Variants in SPEN observed in about 807,000 individuals in gnomAD.
The protein encoded by SPEN is spen family transcriptional repressor, also known as msx2-interacting protein.
A neutral mutation model predicts 269.9 loss-of-function variants in SPEN; 18 were observed. The observed-to-expected ratio is 0.07, with a 90% CI of 0.05 to 0.10. The LOEUF is 0.10. Among genes scored for constraint, SPEN ranks in the 10% least tolerant of loss-of-function variants. The pLI, the probability that SPEN is intolerant of heterozygous loss-of-function variation, is 1.00. For missense variants in SPEN, 3,822 were observed against 4,631.2 expected (o/e 0.83, Z 5.07); for synonymous variants, 1,726 against 1,765.7 (o/e 0.98, Z 0.56).
At chr1:15,897,654 G>T (rs1282501043) in intron 3 of SPEN, among the ~76,000 whole-genome samples, 1 of 151,242 alleles carries the variant, frequency 6.6e-6, no homozygotes, top group African/African-American at 2.4e-5. Flanking sequence ...GGGCCACCAC[G>T]CCTGGCCTAA....
intron 1 of SPEN, among the ~76,000 whole-genome samples, chr1:15,866,416 C>T (rs991371705): frequency 5.3e-5 from 8 of 152,070 alleles, no homozygotes; most frequent in African/African-American, 9.7e-5. Flanking sequence ...TGCAGTGGTG[C>T]GATCTTGGCT....
Position 15,930,146 on chromosome 1 carries a change from C to A in SPEN, c.3906C>A (p.Val1302=). Residue 1302 remains valine, a synonymous_variant, in exon 11 of 15, where the codon GTC becomes GTA. Coordinates refer to ENST00000375759, the MANE Select transcript of SPEN (RefSeq NM_015001.3). This position sits in a 1 kb window ranked among gnomAD's most constrained non-coding sequence, Gnocchi z 5.3. The part of the protein sequence containing the change: ...EKVLPYSNIT[V]REESLKFNPY... Reference sequence around the variant, plus strand: ...TCCTCCCCTATTCTAACATAACAGTCAGGGAAGAGTCTTTAAAATTTAATC... The same window carrying A: ...TCCTCCCCTATTCTAACATAACAGTAAGGGAAGAGTCTTTAAAATTTAATC... 6.2e-7 allele frequency: 1 copy of A among 1,614,180 alleles called. No individual in the cohort carries two copies. The highest frequency in any genetic ancestry group is 1.1e-5 in the South Asian group (1 of 91,066).
Position 15,936,111 on chromosome 1 carries a change from C to A in SPEN, c.9871C>A (p.His3291Asn). The A allele has an allele frequency of 6.2e-7, 1 of 1,611,376 alleles. No individual in the cohort carries two copies. The part of the protein sequence containing the change: ...LPLTPPVVVT[H>N]GVQIVHSSGE... ...TCTGACCCCTCCTGTGGTGGTGACCCATGGGGTGCAGATTGTGCACTCCAG... is the reference window on the plus strand; with the variant it reads ...TCTGACCCCTCCTGTGGTGGTGACCAATGGGGTGCAGATTGTGCACTCCAG... Residue 3291 changes from histidine (H) to asparagine (N), a missense_variant, in exon 11 of 15, where the codon CAT becomes AAT. Coordinates refer to ENST00000375759, the MANE Select transcript of SPEN (RefSeq NM_015001.3).
intron 3 of SPEN, among the ~76,000 whole-genome samples, chr1:15,902,277 A>G (rs1040315603): frequency 6.6e-6 from 1 of 152,106 alleles, no homozygotes; most frequent in African/African-American, 2.4e-5. Flanking sequence ...GATTCTCATA[A>G]CCAATTCTGT....
Position 15,855,990 on chromosome 1 carries a change from C to CCTTTTTTTTTTTTTTTTTTTTTTTTTTTT in SPEN, c.83+7840_83+7841insCTTTTTTTTTTTTTTTTTTTTTTTTTTTT, listed in dbSNP as rs370972899. Among the ~76,000 whole-genome samples the CCTTTTTTTTTTTTTTTTTTTTTTTTTTTT allele has an allele frequency of 7.1e-5, 2 of 28,220 alleles. 1 individual carries two copies. 18.5% of individuals were successfully genotyped at this position (28,220 alleles called of 152,430 possible). A position where few individuals can be genotyped will look rare whatever the true frequency, so the allele number is the denominator to read the frequency against. On this transcript the variant is annotated intron_variant, in intron 1 of 14. Coordinates refer to ENST00000375759, the MANE Select transcript of SPEN (RefSeq NM_015001.3). Reference sequence around the variant, plus strand: ...TTATTGTGTGAAAAGGATGCTAGAACTTTTTTTTTTTTTTTTTTTTGAGAC... The same window carrying CCTTTTTTTTTTTTTTTTTTTTTTTTTTTT: ...TTATTGTGTGAAAAGGATGCTAGAACCTTTTTTTTTTTTTTTTTTTTTTTTTTTTTTTTTTTTTTTTTTTTTTTTGAGAC...
At chr1:15,876,776 T>C in intron 3 of SPEN, 98 bp downstream of exon 3, 1 of 924,456 alleles carries the variant, frequency 1.1e-6, no homozygotes, top group Non-Finnish European at 1.7e-6. Flanking sequence ...TTTTTTAAAG[T>C]AATCTTGGAT....
chr1:15,865,785 G>A (rs79726518), intron 1 of SPEN, among the ~76,000 whole-genome samples: 5,820 of 151,856 alleles, frequency 0.038, 155 homozygotes, highest in South Asian at 0.074. Flanking sequence ...ACTCTGTATA[G>A]TTAGGAAATC....
chr1:15,915,824 C>CCA (rs2071062152), intron 5 of SPEN, among the ~76,000 whole-genome samples: 1 of 152,096 alleles, frequency 6.6e-6, no homozygotes, highest in South Asian at 2.1e-4. Context: ...CAGGCATGAG[C>CCA]CACCCTTCCC....
chr1:15,865,458 C>T, intron 1 of SPEN, among the ~76,000 whole-genome samples: 2 of 134,886 alleles, frequency 1.5e-5, no homozygotes, highest in Non-Finnish European at 3.1e-5. Flanking sequence ...GTGTCTCACT[C>T]TGTTGCCAGG....
intron 1 of SPEN, among the ~76,000 whole-genome samples, chr1:15,849,211 T>C (rs1042180431): frequency 3.9e-5 from 6 of 152,274 alleles, no homozygotes; most frequent in African/African-American, 1.4e-4. Context: ...AAAATGACAG[T>C]TTATTCCGAT....
At chr1:15,859,682 T>A (rs920749239) in intron 1 of SPEN, among the ~76,000 whole-genome samples, 1 of 151,960 alleles carries the variant, frequency 6.6e-6, no homozygotes, top group East Asian at 1.9e-4. Context: ...AAAGGAACTT[T>A]CATCACAGCT....
At chr1:15,873,382 G>A (rs983796683) in intron 2 of SPEN, 3 of 1,204,694 alleles carry the variant, frequency 2.5e-6, no homozygotes, top group Non-Finnish European at 3.1e-6. Flanking sequence ...TCCTATGGAA[G>A]CTTCATTTTT....
rs1490826788 is a variant in SPEN, at chr1:15,937,395, A to G, written c.10259A>G (p.Gln3420Arg). Residue 3420 changes from glutamine to arginine, a missense_variant, in exon 12 of 15, where the codon CAG (glutamine) becomes CGG (arginine). Gln to Arg is a conservative substitution (Grantham distance 43, BLOSUM62 1). Around this residue, in one of 16 missense-constraint regions of SPEN, gnomAD observed 359 missense variants for 377.3 expected, o/e 0.95. Coordinates refer to ENST00000375759, the MANE Select transcript of SPEN (RefSeq NM_015001.3). This position sits in a 1 kb window ranked among gnomAD's most constrained non-coding sequence, Gnocchi z 5.7. ...CCACCTGAGCCTCACACCCAGGTTC[A>G]GAGGGCACAAGCAGAAACAGGCCCG... is the stretch of plus-strand genomic sequence containing the variant. ...NRPPEPHTQV[Q>R]RAQAETGPTS... The G allele has an allele frequency of 1.2e-6, 2 of 1,613,796 alleles. No individual in the cohort carries two copies. Among genetic ancestry groups the G allele is most frequent in the Non-Finnish European group, 1.7e-6 (2 of 1,180,036 alleles).
chr1:15,859,041 T>C (rs2070414908), intron 1 of SPEN, among the ~76,000 whole-genome samples: 1 of 152,222 alleles, frequency 6.6e-6, no homozygotes, highest in Admixed American at 6.5e-5. Context: ...ATCCTTCTGC[T>C]AACCAGCTAT....
Position 15,931,502 on chromosome 1 carries a change from C to G in SPEN, c.5262C>G (p.Asp1754Glu). ...QAESNVDPEP[D>E]STQPLSKPAQ... ...AGAGCAACGTAGATCCAGAGCCTGA[C>G]AGTACCCAGCCACTTTCAAAACCAG... The change falls in exon 11 of 15, where the codon GAC becomes GAG. Residue 1754 changes from aspartate (D) to glutamate (E), a missense_variant. Around this residue, in one of 16 missense-constraint regions of SPEN, gnomAD observed 533 missense variants for 618.8 expected, o/e 0.86. Coordinates refer to ENST00000375759, the MANE Select transcript of SPEN (RefSeq NM_015001.3). The surrounding 1 kb of genome is among the most constrained non-coding windows in gnomAD (Gnocchi z 4.8). 6.2e-7 allele frequency: 1 copy of G among 1,614,186 alleles called. No individual in the cohort carries two copies. The highest frequency in any genetic ancestry group is 1.1e-5 in the South Asian group (1 of 91,082).
chr1:15,932,382 G>A lies in SPEN; in HGVS notation c.6142G>A (p.Ala2048Thr). ...GSEQKRDRKD[A>T]GTDKNPPETA... Reference sequence around the variant, plus strand: ...TGAACAGAAACGTGACAGAAAAGATGCTGGCACAGACAAAAACCCCCCTGA... The same window carrying A: ...TGAACAGAAACGTGACAGAAAAGATACTGGCACAGACAAAAACCCCCCTGA... The change falls in exon 11 of 15, where the codon GCT (alanine) becomes ACT (threonine). Residue 2048 changes from alanine (A) to threonine (T), a missense_variant. By Grantham distance (58) the Ala-to-Thr change is moderately conservative. Coordinates refer to ENST00000375759, the MANE Select transcript of SPEN (RefSeq NM_015001.3). The surrounding 1 kb of genome is among the most constrained non-coding windows in gnomAD (Gnocchi z 4.2). 1 of 1,614,134 alleles carries A rather than the reference G, an allele frequency of 6.2e-7. No homozygotes were observed. Among genetic ancestry groups the A allele is most frequent in the East Asian group, 2.2e-5 (1 of 44,874 alleles).
rs947921997 is a variant in SPEN, at chr1:15,868,083, C to T, written c.84-4733C>T. ...TCCCAGGCTAAAATGATCCACCTCCCTTGGTCTCCCAAAGCGTTGGGATTC... is the reference window on the plus strand; with the variant it reads ...TCCCAGGCTAAAATGATCCACCTCCTTTGGTCTCCCAAAGCGTTGGGATTC... On this transcript the variant is annotated intron_variant, in intron 1 of 14. Coordinates refer to ENST00000375759, the MANE Select transcript of SPEN (RefSeq NM_015001.3). Among the ~76,000 whole-genome samples the T allele has an allele frequency of 3.3e-5, 5 of 152,020 alleles. No homozygotes were observed. The South Asian group carries it at 1.0e-3, about 32-fold the overall frequency.
chr1:15,868,655 C>T (rs1025944070), intron 1 of SPEN, among the ~76,000 whole-genome samples: 2 of 152,050 alleles, frequency 1.3e-5, no homozygotes, highest in South Asian at 2.1e-4. Flanking sequence ...AGGATGGTCT[C>T]GATCTCCTGA....
intron 1 of SPEN, among the ~76,000 whole-genome samples, chr1:15,872,388 C>A (rs1360875711): frequency 6.6e-6 from 1 of 151,824 alleles, no homozygotes; most frequent in African/African-American, 2.4e-5. Context: ...GTCAGGAGAT[C>A]GAGACCATCC....
Sources: gnomAD v4.1 joint callset for allele counts (sites outside exome capture counted in the v4.1 genomes callset) on GRCh38, gnomAD v4.1.1 for gene constraint, gnomAD v4.1.1 regional missense constraint, Gnocchi (gnomAD v3.1) non-coding constraint, MANE v1.5 for transcripts, NCBI Gene and HGNC (gene_info 2026-07-23, HGNC 2026-07-21) for gene names.